ANXA2: variants seen among roughly 807,000 people sequenced by gnomAD.
ANXA2 encodes the protein annexin II.
In ANXA2, 28 loss-of-function variants were observed where a neutral mutation model predicts 47.3. The ratio of observed to expected loss-of-function variants is 0.59; its 90% CI spans 0.44 to 0.81. The LOEUF is 0.81. ANXA2 is among the 40% of genes least tolerant of loss of function. The pLI, the probability that ANXA2 is intolerant of heterozygous loss-of-function variation, is 0.00. For missense variants in ANXA2, 384 were observed against 414.3 expected, an observed-to-expected ratio of 0.93 and a Z score of 0.64; for synonymous variants, 172 against 155.5, an observed-to-expected ratio of 1.11 and a Z score of -0.79.
rs768952097 is a variant in ANXA2, at chr15:60,352,467, CAT to C, written c.596_597del (p.Tyr199Ter). The C allele has an allele frequency of 6.2e-7, 1 of 1,612,980 alleles. No homozygotes were observed. The highest frequency in any genetic ancestry group is 1.3e-5 in the African/African-American group (1 of 74,862). ...ELIDQDARDL[Y>X]DAGVKRKGTD... ...GTTCCTTTCCTCTTCACTCCAGCGT[CAT>C]AGAGATCCTACGAGTACAACCAACC... On this transcript the variant is annotated frameshift_variant, in exon 9 of 13. Coordinates refer to ENST00000451270, the MANE Select transcript of ANXA2 (RefSeq NM_004039.3). LOFTEE classifies it high-confidence loss of function. This position sits in a 1 kb window ranked among gnomAD's most constrained non-coding sequence, Gnocchi z 4.2.
rs145194373 is a variant in ANXA2 at position 60,352,640 on chromosome 15, C to G, written c.589-164G>C. 3.7e-3 allele frequency among the ~76,000 whole-genome samples: 566 copies of G among 152,290 alleles called. 3 individuals are homozygous for G. Among genetic ancestry groups the G allele is most frequent in the African/African-American group, 0.013 (552 of 41,544 alleles). ...GAGACCTACTATTTAGGTCAAAAGTCTTAATCACAAGCAGTCTTCCTTAGG... is the reference window on the plus strand; with the variant it reads ...GAGACCTACTATTTAGGTCAAAAGTGTTAATCACAAGCAGTCTTCCTTAGG... On this transcript the variant is annotated intron_variant, in intron 8 of 12. Transcript: ENST00000451270. This position sits in a 1 kb window ranked among gnomAD's most constrained non-coding sequence, Gnocchi z 4.2.
In ANXA2 at chr15:60,352,245, G is replaced by A; in HGVS notation, c.682+138C>T. ...AATCCAGAATGGGAGAGAAAGGTGA[G>A]GGAAAATGGGTGAGCCTATGAGAGT... On this transcript the variant is annotated intron_variant, in intron 9 of 12. Coordinates refer to ENST00000451270, the MANE Select transcript of ANXA2 (RefSeq NM_004039.3). The surrounding 1 kb of genome is among the most constrained non-coding windows in gnomAD (Gnocchi z 4.2). 1 of 583,852 alleles carries A rather than the reference G, an allele frequency of 1.7e-6. No individual in the cohort carries two copies. Among genetic ancestry groups the A allele is most frequent in the South Asian group, 2.5e-5 (1 of 40,414 alleles). 36.2% of individuals were successfully genotyped at this position (583,852 alleles called of 1,614,324 possible).
intron 3 of ANXA2, among the ~76,000 whole-genome samples, chr15:60,379,883 C>T (rs1343924352): frequency 6.6e-6 from 1 of 152,158 alleles, no homozygotes; most frequent in African/African-American, 2.4e-5. Flanking sequence ...TTTTTATTAC[C>T]ATGAGAGTTT....
At chr15:60,359,770 T>C (rs1203128053) in intron 5 of ANXA2, among the ~76,000 whole-genome samples, 2 of 152,138 alleles carry the variant, frequency 1.3e-5, no homozygotes, top group Non-Finnish European at 2.9e-5. Flanking sequence ...AACAGTGGCA[T>C]CAGAGAAAAC....
Position 60,364,869 on chromosome 15 carries a change from AT to A in ANXA2, c.149-347del, listed in dbSNP as rs2062571064. On this transcript the variant is annotated intron_variant, in intron 3 of 12. Coordinates refer to ENST00000451270, the MANE Select transcript of ANXA2 (RefSeq NM_004039.3). ...GATGGAACAACAGAGATTTAGTAGG[AT>A]TTTAAATGAAGGTCCCCAAATTGCC... Among the ~76,000 whole-genome samples, 5 of 151,778 alleles carry A rather than the reference AT, an allele frequency of 3.3e-5. No individual in the cohort carries two copies. In the South Asian group the frequency reaches 8.4e-4, roughly 25 times the overall value.
intron 3 of ANXA2, among the ~76,000 whole-genome samples, chr15:60,370,634 G>A (rs941185142): frequency 1.3e-5 from 2 of 152,144 alleles, no homozygotes; most frequent in African/African-American, 2.4e-5. Flanking sequence ...ACGGAACCTC[G>A]AATACCTATG....
rs2062504922 is a variant in ANXA2 at position 60,361,025 on chromosome 15, T to G, written c.273A>C (p.Leu91Phe). 6.2e-7 allele frequency: 1 copy of G among 1,613,280 alleles called. No individual in the cohort carries two copies. The highest frequency in any genetic ancestry group is 2.2e-5 in the East Asian group (1 of 44,878). Reference protein sequence around the residue: ...KELASALKSALSGHLETVILG... With the variant: ...KELASALKSAFSGHLETVILG... The stretch of plus-strand genomic sequence containing the variant: ...AAATCACCGTCTCCAGGTGGCCAGA[T>G]AAGGCTGACTTCAGTGCTGATGCAA... Residue 91 changes from leucine (L) to phenylalanine (F), a missense_variant, in exon 5 of 13, where the codon TTA (leucine) becomes TTC (phenylalanine). Physicochemically the swap from Leu to Phe is conservative, Grantham distance 22 (BLOSUM62 0). Transcript: ENST00000451270.
chr15:60,369,630 C>T (rs977076611), intron 3 of ANXA2, among the ~76,000 whole-genome samples: 1 of 152,228 alleles, frequency 6.6e-6, no homozygotes, highest in Non-Finnish European at 1.5e-5. Flanking sequence ...TTATTAAAAA[C>T]ACAGTCCCTT....
At position 60,355,976 on chromosome 15, in the gene ANXA2, C is replaced by T. The variant is rs2140799600; in HGVS notation, c.471G>A (p.Lys157=). The change falls in exon 7 of 13, where the codon AAG becomes AAA. Residue 157 remains lysine, a synonymous_variant. Coordinates refer to ENST00000451270, the MANE Select transcript of ANXA2 (RefSeq NM_004039.3). ...YKEMYKTDLE[K]DIISDTSGDF... The stretch of plus-strand genomic sequence containing the variant: ...CACCAGATGTGTCCGAAATAATGTC[C>T]TTCTCCAGATCAGTCTTGTACACTT... The T allele has an allele frequency of 6.2e-7, 1 of 1,614,044 alleles. No individual in the cohort carries two copies. The highest frequency in any genetic ancestry group is 8.5e-7 in the Non-Finnish European group (1 of 1,179,910).
At chr15:60,387,858 C>G (rs1486336542) in intron 1 of ANXA2, among the ~76,000 whole-genome samples, 2 of 152,238 alleles carry the variant, frequency 1.3e-5, no homozygotes, top group East Asian at 1.9e-4. Flanking sequence ...TTTGTATTTT[C>G]TATTCAACTT....
chr15:60,352,342 A>C lies in ANXA2; in HGVS notation c.682+41T>G. 3.2e-4 allele frequency: 419 copies of C among 1,329,332 alleles called. No homozygotes were observed. The highest frequency in any genetic ancestry group is 4.0e-4 in the Non-Finnish European group (374 of 929,906). 82.3% of individuals were successfully genotyped at this position (1,329,332 alleles called of 1,614,324 possible). On this transcript the variant is annotated intron_variant, in intron 9 of 12. Coordinates refer to ENST00000451270, the MANE Select transcript of ANXA2 (RefSeq NM_004039.3). This position sits in a 1 kb window ranked among gnomAD's most constrained non-coding sequence, Gnocchi z 4.2. Reference sequence around the variant, plus strand: ...GGACATCCACCCAGCCGCCCCAGCCAGGGCCCCAAGGCACTGAGACTCCCT... The same window carrying C: ...GGACATCCACCCAGCCGCCCCAGCCCGGGCCCCAAGGCACTGAGACTCCCT...
In ANXA2 at chr15:60,364,505, A is replaced by G; in HGVS notation, c.167T>C (p.Ile56Thr). ...IKTKGVDEVT[I>T]VNILTNRSNA... ...GCTGCGGTTGGTCAAAATGTTGACA[A>G]TGGTGACCTCATCCACACCTATGGA... is the stretch of plus-strand genomic sequence containing the variant. The change falls in exon 4 of 13, where the codon ATT becomes ACT. Residue 56 changes from isoleucine (I) to threonine (T), a missense_variant. By Grantham distance (89) the Ile-to-Thr change is moderately conservative (BLOSUM62 -1). Coordinates refer to ENST00000451270, the MANE Select transcript of ANXA2 (RefSeq NM_004039.3). 2.5e-6 allele frequency: 4 copies of G among 1,613,318 alleles called. No homozygotes were observed. Among genetic ancestry groups the G allele is most frequent in the East Asian group, 4.5e-5 (2 of 44,872 alleles).
At chr15:60,366,293 C>G (rs1433735034) in intron 3 of ANXA2, among the ~76,000 whole-genome samples, 27 of 151,484 alleles carry the variant, frequency 1.8e-4, no homozygotes, top group African/African-American at 5.3e-4. Flanking sequence ...AGGAGCGTCT[C>G]TGCCTGGCCG....
At chr15:60,373,181 T>C (rs796888129) in intron 3 of ANXA2, among the ~76,000 whole-genome samples, 20 of 152,350 alleles carry the variant, frequency 1.3e-4, no homozygotes, top group African/African-American at 4.6e-4. Context: ...TCAACACGTG[T>C]AGAGAACTGG....
chr15:60,381,028 G>A (rs960227580), intron 3 of ANXA2, among the ~76,000 whole-genome samples: 1 of 151,926 alleles, frequency 6.6e-6, no homozygotes. Context: ...TGGAAACAAG[G>A]TCACCAGATT....
chr15:60,371,426 G>A (rs961363489), intron 3 of ANXA2, among the ~76,000 whole-genome samples: 2 of 152,176 alleles, frequency 1.3e-5, no homozygotes, highest in Non-Finnish European at 2.9e-5. Context: ...CACAAAATCA[G>A]CCTCCTGGAG....
intron 1 of ANXA2, chr15:60,393,441 C>G: frequency 1.0e-6 from 1 of 1,004,466 alleles, no homozygotes; most frequent in Non-Finnish European, 1.2e-6. Flanking sequence ...GCCTGGCCGC[C>G]TACAGAAAAA....
chr15:60,382,843 T>C (rs1475473719), intron 2 of ANXA2: 1 of 157,832 alleles, frequency 6.3e-6, no homozygotes, highest in Non-Finnish European at 1.4e-5. Flanking sequence ...TTAGCTAAGT[T>C]TCTGCTACAG....
intron 11 of ANXA2, 131 bp downstream of exon 11, chr15:60,351,062 G>GTTCCTGCATCCAC: frequency 2.4e-6 from 2 of 817,286 alleles, no homozygotes; most frequent in Admixed American, 4.1e-5. Context: ...AACCACAGCT[G>GTTCCTGCATCCAC]ACTAGTGTGT....
Sources: allele counts gnomAD v4.1 joint callset (sites outside exome capture counted in the v4.1 genomes callset), GRCh38; gene constraint gnomAD v4.1.1; non-coding constraint Gnocchi (gnomAD v3.1); transcripts MANE v1.5; gene names NCBI Gene and HGNC (gene_info 2026-07-23, HGNC 2026-07-21).